CNEP1R1: variants seen among roughly 807,000 people sequenced by gnomAD.
CNEP1R1 encodes CTD nuclear envelope phosphatase 1 regulatory subunit 1.
In CNEP1R1, 10 loss-of-function variants were observed where a neutral mutation model predicts 22.7. The ratio of observed to expected loss-of-function variants is 0.44; its 90% CI spans 0.27 to 0.75. The LOEUF is 0.75. Among genes scored for constraint, CNEP1R1 ranks in the 30% least tolerant of loss-of-function variants. CNEP1R1 has a pLI of 0.17. For missense variants in CNEP1R1, 73 were observed against 151.5 expected, an observed-to-expected ratio of 0.48 and a Z score of 2.72; for synonymous variants, 53 against 50.1, an observed-to-expected ratio of 1.06 and a Z score of -0.25.
intron 1 of CNEP1R1, 101 bp downstream of exon 1, chr16:50,025,441 G>A: frequency 1.6e-6 from 2 of 1,265,896 alleles, no homozygotes; most frequent in Non-Finnish European, 2.1e-6. Context: ...GGAGGAGGCC[G>A]CAGAGGATGG....
intron 3 of CNEP1R1, among the ~76,000 whole-genome samples, 197 bp from the exon 4 acceptor site, chr16:50,033,199 CT>C (rs1290990205): frequency 6.6e-6 from 1 of 152,062 alleles, no homozygotes; most frequent in Non-Finnish European, 1.5e-5. Flanking sequence ...CTATATTTAT[CT>C]TGCTTTATAG....
chr16:50,026,835 G>T lies in CNEP1R1; in HGVS notation c.97+368G>T, dbSNP rs542506755. On this transcript the variant is annotated intron_variant, in intron 2 of 5. Transcript: ENST00000427478. ...ACTAAAAATACGAAATTAGCCGGTC[G>T]TGGTGACGCTGCCTGTGATCCCAGC... 1.3e-4 allele frequency: 24 copies of T among 181,866 alleles called. No homozygotes were observed. The East Asian group carries it at 2.9e-3, about 22-fold the overall frequency. 11.3% of individuals were successfully genotyped at this position (181,866 alleles called of 1,614,324 possible). A position where few individuals can be genotyped will look rare whatever the true frequency, so the allele number is the denominator to read the frequency against.
At chr16:50,029,630 A>G (rs894805506) in intron 2 of CNEP1R1, 95 bp from the exon 3 acceptor site, 45 of 701,954 alleles carry the variant, frequency 6.4e-5, no homozygotes, top group East Asian at 1.3e-4. Context: ...ATAAAGTGCT[A>G]TATTCTTTGG....
intron 3 of CNEP1R1, among the ~76,000 whole-genome samples, chr16:50,030,769 A>G (rs1032743422): frequency 2.0e-5 from 3 of 152,228 alleles, no homozygotes; most frequent in South Asian, 4.1e-4. Flanking sequence ...GATAACACAT[A>G]TATCAATTCC....
chr16:50,034,006 C>A (rs1017924044), intron 4 of CNEP1R1, 96 bp from the exon 5 acceptor site: 19 of 866,572 alleles, frequency 2.2e-5, no homozygotes, highest in Non-Finnish European at 3.5e-5. Context: ...CCGCCTCGGC[C>A]TCCCAAAGTG....
At chr16:50,032,869 G>A (rs112696865) in intron 3 of CNEP1R1, among the ~76,000 whole-genome samples, 9 of 152,272 alleles carry the variant, frequency 5.9e-5, no homozygotes, top group Middle Eastern at 6.8e-3. Flanking sequence ...GCCGGGTGTG[G>A]TGGTGGGCGC....
intron 3 of CNEP1R1, among the ~76,000 whole-genome samples, chr16:50,032,380 A>G (rs1269887772): frequency 1.3e-5 from 2 of 152,168 alleles, no homozygotes; most frequent in African/African-American, 2.4e-5. Flanking sequence ...GTTTTCTGCT[A>G]TCATTTGATA....
chr16:50,035,029 A>G (rs2036263640), intron 5 of CNEP1R1, among the ~76,000 whole-genome samples: 1 of 152,084 alleles, frequency 6.6e-6, no homozygotes. Context: ...AAAAGTCATT[A>G]AACAAGTAAT....
intron 3 of CNEP1R1, among the ~76,000 whole-genome samples, chr16:50,030,189 C>G (rs1175706410): frequency 6.6e-6 from 1 of 152,112 alleles, no homozygotes; most frequent in Non-Finnish European, 1.5e-5. Context: ...GGCATGGTGG[C>G]TCATACCTGG....
rs539443315 is a variant in CNEP1R1 at position 50,025,504 on chromosome 16, C to CG, written c.25+170dup. ...GTAGGCGGCCGTACCTGGCCAGACG[C>CG]GGGGGGCGGTGCCTCAGCTCCCTGA... On this transcript the variant is annotated intron_variant, in intron 1 of 5. Coordinates refer to ENST00000427478, the MANE Select transcript of CNEP1R1 (RefSeq NM_001281789.2). 4,490 of 1,080,646 alleles carry CG rather than the reference C, an allele frequency of 4.2e-3. 52 individuals are homozygous for CG. Among genetic ancestry groups the CG allele is most frequent in the South Asian group, 0.023 (1,532 of 65,294 alleles). 66.9% of individuals were successfully genotyped at this position (1,080,646 alleles called of 1,614,324 possible). A position where few individuals can be genotyped will look rare whatever the true frequency, so the allele number is the denominator to read the frequency against.
chr16:50,036,979 C>T lies in CNEP1R1; in HGVS notation c.*1521C>T, dbSNP rs569702835. On this transcript the variant is annotated 3_prime_UTR_variant, in exon 6 of 6. Transcript: ENST00000427478. ...AACTGCAGCAATAAAACCCTCAGCT[C>T]CTAAGAAGTCTTAAGAGGGTATTCT... 2 of 152,682 alleles carry T rather than the reference C, an allele frequency of 1.3e-5. No homozygotes were observed. Among genetic ancestry groups the T allele is most frequent in the East Asian group, 3.9e-4 (2 of 5,184 alleles). 9.5% of individuals were successfully genotyped at this position (152,682 alleles called of 1,614,324 possible).
At chr16:50,032,275 C>T (rs2036237271) in intron 3 of CNEP1R1, among the ~76,000 whole-genome samples, 1 of 152,206 alleles carries the variant, frequency 6.6e-6, no homozygotes, top group African/African-American at 2.4e-5. Flanking sequence ...CTCTGTGTCT[C>T]CAGTCAACGT....
Position 50,025,248 on chromosome 16 carries a change from G to A in CNEP1R1, c.-68G>A, listed in dbSNP as rs2036167604. 1 of 1,374,984 alleles carries A rather than the reference G, an allele frequency of 7.3e-7. No homozygotes were observed. The highest frequency in any genetic ancestry group is 9.4e-7 in the Non-Finnish European group (1 of 1,067,160). 85.2% of individuals were successfully genotyped at this position (1,374,984 alleles called of 1,614,324 possible). On this transcript the variant is annotated 5_prime_UTR_variant, in exon 1 of 6. Coordinates refer to ENST00000427478, the MANE Select transcript of CNEP1R1 (RefSeq NM_001281789.2). ...TTAGAGGTGGGAGTTGGCGCTGCGG[G>A]CCGGGCGGGGGCCGCGGAAGCTGCG...
chr16:50,031,103 A>G (rs1567411168), intron 3 of CNEP1R1, among the ~76,000 whole-genome samples: 1 of 152,164 alleles, frequency 6.6e-6, no homozygotes, highest in Admixed American at 6.6e-5. Context: ...TTTAGGGAGT[A>G]ATGATGTAAT....
chr16:50,025,765 C>CA lies in CNEP1R1; in HGVS notation c.25+426dup, dbSNP rs1428046666. ...CACCACTGCGGAAAGGATACCCCAC[C>CA]ACTCACTCGGAGCAGCTTAGACGCC... On this transcript the variant is annotated intron_variant, in intron 1 of 5. Coordinates refer to ENST00000427478, the MANE Select transcript of CNEP1R1 (RefSeq NM_001281789.2). 26 of 1,402,378 alleles carry CA rather than the reference C, an allele frequency of 1.9e-5. No individual in the cohort carries two copies. In the East Asian group the frequency reaches 5.9e-4, roughly 32 times the overall value. 86.9% of individuals were successfully genotyped at this position (1,402,378 alleles called of 1,614,324 possible). A position where few individuals can be genotyped will look rare whatever the true frequency, so the allele number is the denominator to read the frequency against.
Position 50,036,388 on chromosome 16 carries a change from C to G in CNEP1R1, c.*930C>G, listed in dbSNP as rs1015799532. The G allele has an allele frequency of 1.3e-5, 2 of 152,146 alleles. No individual in the cohort carries two copies. The highest frequency in any genetic ancestry group is 4.8e-5 in the African/African-American group (2 of 41,418). The allele number at this position is 152,146 out of a possible 1,614,324, so 9.4% of individuals were successfully genotyped here. ...TCTCCTGACCTCGTGATCCTCCTGCCTCATCCTCCCAAAATGCTGGGATTA... is the reference window on the plus strand; with the variant it reads ...TCTCCTGACCTCGTGATCCTCCTGCGTCATCCTCCCAAAATGCTGGGATTA... On this transcript the variant is annotated 3_prime_UTR_variant, in exon 6 of 6. Coordinates refer to ENST00000427478, the MANE Select transcript of CNEP1R1 (RefSeq NM_001281789.2).
rs771196267 is a variant in CNEP1R1 at position 50,034,138 on chromosome 16, C to T, written c.318C>T (p.Tyr106=). 12 of 1,588,058 alleles carry T rather than the reference C, an allele frequency of 7.6e-6. No homozygotes were observed. Among genetic ancestry groups the T allele is most frequent in the Middle Eastern group, 1.7e-4 (1 of 6,050 alleles). Residue 106 remains tyrosine (Y), a synonymous_variant, in exon 5 of 6, where the codon TAC becomes TAT. Coordinates refer to ENST00000427478, the MANE Select transcript of CNEP1R1 (RefSeq NM_001281789.2). ...AARCRTVLAE[Y]NMSCDDTGKL... ...GATGTCGAACGGTATTAGCAGAATA[C>T]AATATGTCTTGTGATGATGTAAGTA... is the stretch of plus-strand genomic sequence containing the variant.
intron 2 of CNEP1R1, among the ~76,000 whole-genome samples, chr16:50,027,433 A>G (rs1321505746): frequency 6.7e-6 from 1 of 150,346 alleles, no homozygotes. Flanking sequence ...GAGTGAACCC[A>G]GGAGGCAGAG....
At chr16:50,027,612 A>G (rs541469532) in intron 2 of CNEP1R1, among the ~76,000 whole-genome samples, 41 of 151,870 alleles carry the variant, frequency 2.7e-4, no homozygotes, top group African/African-American at 8.0e-4. Flanking sequence ...GTAGTGAGCT[A>G]TGTAGTGAGC....
Sources: allele counts gnomAD v4.1 joint callset (sites outside exome capture counted in the v4.1 genomes callset), GRCh38; gene constraint gnomAD v4.1.1; transcripts MANE v1.5; gene names NCBI Gene and HGNC (gene_info 2026-07-23, HGNC 2026-07-21).